XKR4: variants seen among roughly 807,000 people sequenced by gnomAD.
The protein encoded by XKR4 is XK-related protein 4.
XKR4 carries 12 observed loss-of-function variants against 53.9 expected under a neutral mutation model. That is an observed-to-expected ratio of 0.22 (90% CI 0.14 to 0.36). The LOEUF (loss-of-function observed/expected upper bound fraction) is 0.36, where lower values mean the gene tolerates loss of function less well. XKR4 is among the 10% of genes least tolerant of loss of function. The pLI is 1.00. For missense variants in XKR4, 799 were observed against 859.5 expected, an observed-to-expected ratio of 0.93 and a Z score of 0.88; for synonymous variants, 354 against 362.4, an observed-to-expected ratio of 0.98 and a Z score of 0.26.
rs182774533 is a variant in XKR4, at chr8:55,533,144, G to A, written c.*8917G>A. 1.2e-4 allele frequency: 18 copies of A among 152,224 alleles called. No homozygotes were observed. Among genetic ancestry groups the A allele is most frequent in the Admixed American group, 2.0e-4 (3 of 15,284 alleles). The allele number at this position is 152,224 out of a possible 1,614,324, so 9.4% of individuals were successfully genotyped here. A position where few individuals can be genotyped will look rare whatever the true frequency, so the allele number is the denominator to read the frequency against. ...TGTAATCAAAATTCCTATTTTGATCGCACACCAGTAGAACGCATCTTAACA... is the reference window on the plus strand; with the variant it reads ...TGTAATCAAAATTCCTATTTTGATCACACACCAGTAGAACGCATCTTAACA... On this transcript the variant is annotated 3_prime_UTR_variant, in exon 3 of 3. Coordinates refer to ENST00000327381, the MANE Select transcript of XKR4 (RefSeq NM_052898.2).
intron 1 of XKR4, among the ~76,000 whole-genome samples, chr8:55,137,524 A>G (rs1816647872): frequency 6.6e-6 from 1 of 151,862 alleles, no homozygotes; most frequent in Non-Finnish European, 1.5e-5. Flanking sequence ...ATAACTTATA[A>G]CCCAAAGCTA....
chr8:55,481,598 G>T (rs1806107521), intron 2 of XKR4, among the ~76,000 whole-genome samples: 2 of 152,018 alleles, frequency 1.3e-5, no homozygotes, highest in South Asian at 4.1e-4. Context: ...TACCATCAGA[G>T]TGAACAGGCA....
At chr8:55,181,975 C>T (rs1468331477) in intron 1 of XKR4, among the ~76,000 whole-genome samples, 3 of 152,150 alleles carry the variant, frequency 2.0e-5, no homozygotes, top group African/African-American at 7.2e-5. Context: ...AAGTTATGAT[C>T]TCCCAAAGGC....
chr8:55,385,188 C>A lies in XKR4; in HGVS notation c.1006+27311C>A, dbSNP rs1440306462. On this transcript the variant is annotated intron_variant, in intron 2 of 2. Transcript: ENST00000327381. ...TCATATGCTGGTTCTGAAGGCCTTA[C>A]TATTCCTCTCAGGCCCTGCCTACTC... Among the ~76,000 whole-genome samples, 5 of 152,174 alleles carry A rather than the reference C, an allele frequency of 3.3e-5. No homozygotes were observed. In the East Asian group the frequency reaches 9.6e-4, roughly 29 times the overall value.
intron 2 of XKR4, among the ~76,000 whole-genome samples, chr8:55,372,247 C>A (rs1804078635): frequency 6.6e-6 from 1 of 152,184 alleles, no homozygotes; most frequent in Non-Finnish European, 1.5e-5. Context: ...CCTGTGGTGT[C>A]TTCATTTGCC....
chr8:55,256,134 C>A (rs1818437003), intron 1 of XKR4, among the ~76,000 whole-genome samples: 1 of 151,738 alleles, frequency 6.6e-6, no homozygotes, highest in African/African-American at 2.4e-5. Flanking sequence ...AAAAGTATTC[C>A]AGGAAAAGGA....
chr8:55,366,182 G>A (rs1455417328), intron 2 of XKR4, among the ~76,000 whole-genome samples: 1 of 152,192 alleles, frequency 6.6e-6, no homozygotes, highest in Non-Finnish European at 1.5e-5. Flanking sequence ...TCCCACCAGT[G>A]CCACCTATTG....
intron 1 of XKR4, among the ~76,000 whole-genome samples, chr8:55,249,433 T>C (rs1248764615): frequency 6.6e-6 from 1 of 152,216 alleles, no homozygotes; most frequent in Non-Finnish European, 1.5e-5. Context: ...TGTGACCTCC[T>C]AGTCGAATCT....
chr8:55,109,342 C>T (rs537967625), intron 1 of XKR4, among the ~76,000 whole-genome samples: 3 of 152,130 alleles, frequency 2.0e-5, no homozygotes, highest in Non-Finnish European at 4.4e-5. Flanking sequence ...ATTAGACTAA[C>T]CTTTGCTTTT....
intron 1 of XKR4, among the ~76,000 whole-genome samples, chr8:55,235,522 T>C (rs1818106792): frequency 6.6e-6 from 1 of 150,984 alleles, no homozygotes; most frequent in South Asian, 2.1e-4. Context: ...TTTTAACTAT[T>C]GTATTAGTAA....
At chr8:55,388,532 A>G (rs188649909) in intron 2 of XKR4, among the ~76,000 whole-genome samples, 178 of 152,334 alleles carry the variant, frequency 1.2e-3, no homozygotes, top group East Asian at 2.7e-3. Context: ...TTCCTCATTC[A>G]TAAGTGGTGC....
At chr8:55,458,040 T>C (rs1805596804) in intron 2 of XKR4, among the ~76,000 whole-genome samples, 1 of 152,204 alleles carries the variant, frequency 6.6e-6, no homozygotes, top group South Asian at 2.1e-4. Flanking sequence ...TTATTGTTAA[T>C]ATGACAGTCC....
intron 1 of XKR4, among the ~76,000 whole-genome samples, chr8:55,278,097 G>T (rs1191769322): frequency 6.6e-6 from 1 of 152,118 alleles, no homozygotes; most frequent in African/African-American, 2.4e-5. Context: ...CACTTTGGGA[G>T]GGTGAGGTGG....
chr8:55,516,068 G>T (rs747244946), intron 2 of XKR4, among the ~76,000 whole-genome samples: 14 of 152,152 alleles, frequency 9.2e-5, no homozygotes, highest in Non-Finnish European at 1.6e-4. Context: ...TTGCCTGTTT[G>T]CAAAAAACAA....
intron 1 of XKR4, among the ~76,000 whole-genome samples, chr8:55,346,997 C>G (rs1389714554): frequency 1.3e-5 from 2 of 152,158 alleles, no homozygotes; most frequent in Admixed American, 1.3e-4. Context: ...AACACTCGGT[C>G]AAATCTTATT....
chr8:55,523,583 G>A lies in XKR4; in HGVS notation c.1309G>A (p.Val437Met), dbSNP rs759429003. ...GGAAGAGATTGTGTTCGACATGGTG[G>A]TGGGGATTATCTATATCTTCAGTTG... ...KWEEIVFDMV[V>M]GIIYIFSWFN... The change falls in exon 3 of 3, where the codon GTG (valine) becomes ATG (methionine). Residue 437 changes from valine to methionine, a missense_variant. Physicochemically the swap from Val to Met is conservative, Grantham distance 21. Transcript: ENST00000327381. 1.2e-6 allele frequency: 2 copies of A among 1,614,210 alleles called. No individual in the cohort carries two copies. The highest frequency in any genetic ancestry group is 8.5e-7 in the Non-Finnish European group (1 of 1,180,036).
chr8:55,397,870 G>A (rs184488137), intron 2 of XKR4, among the ~76,000 whole-genome samples: 142 of 152,282 alleles, frequency 9.3e-4, no homozygotes, highest in Non-Finnish European at 1.6e-3. Flanking sequence ...CTCAGTGGGA[G>A]CCTGCAGCCA....
chr8:55,408,155 G>C (rs1201136724), intron 2 of XKR4, among the ~76,000 whole-genome samples: 1 of 152,196 alleles, frequency 6.6e-6, no homozygotes, highest in East Asian at 1.9e-4. Context: ...AAAAAGGGAT[G>C]AGAGGTTACA....
At chr8:55,122,769 G>A (rs903670905) in intron 1 of XKR4, among the ~76,000 whole-genome samples, 12 of 152,096 alleles carry the variant, frequency 7.9e-5, no homozygotes, top group African/African-American at 2.7e-4. Context: ...TATTCTAAAT[G>A]CTGTGACTTG....
Sources: allele counts gnomAD v4.1 joint callset (sites outside exome capture counted in the v4.1 genomes callset), GRCh38; gene constraint gnomAD v4.1.1; transcripts MANE v1.5; gene names NCBI Gene and HGNC (gene_info 2026-07-23, HGNC 2026-07-21).